Variants in TNR observed in about 807,000 individuals in gnomAD.
TNR encodes the protein tenascin R.
TNR carries 45 observed loss-of-function variants against 150.4 expected under a neutral mutation model. The observed-to-expected ratio is 0.30, with a 90% CI of 0.24 to 0.38. TNR has a LOEUF of 0.38. Among genes scored for constraint, TNR ranks in the 10% least tolerant of loss-of-function variants. TNR has a pLI of 1.00. For missense variants in TNR, 1,544 were observed against 1,759.1 expected (o/e 0.88, Z 2.19); for synonymous variants, 687 against 678.4 (o/e 1.01, Z -0.20).
intron 18 of TNR, among the ~76,000 whole-genome samples, chr1:175,347,856 A>G (rs2101999972): frequency 6.6e-6 from 1 of 152,326 alleles, no homozygotes; most frequent in South Asian, 2.1e-4. Flanking sequence ...ACTAAAGTCA[A>G]TGTACCTAAT....
At chr1:175,734,349 G>T (rs1260153351) in intron 1 of TNR, among the ~76,000 whole-genome samples, 1 of 152,228 alleles carries the variant, frequency 6.6e-6, no homozygotes, top group Non-Finnish European at 1.5e-5. Flanking sequence ...ATTCTGAGAG[G>T]TAGGAGCTAT....
chr1:175,475,932 T>C (rs987946242), intron 2 of TNR, among the ~76,000 whole-genome samples: 2 of 152,162 alleles, frequency 1.3e-5, no homozygotes, highest in African/African-American at 4.8e-5. Flanking sequence ...CGTCCTATAA[T>C]GAAATGATAT....
intron 1 of TNR, among the ~76,000 whole-genome samples, chr1:175,530,855 A>G (rs1340118905): frequency 1.3e-5 from 2 of 152,064 alleles, no homozygotes; most frequent in Admixed American, 6.6e-5. Flanking sequence ...TTAACCACAT[A>G]TATACATATG....
Position 175,599,350 on chromosome 1 carries a change from G to GCA in TNR, c.-164-70983_-164-70982dup, listed in dbSNP as rs138765580. 2.3e-3 allele frequency among the ~76,000 whole-genome samples: 348 copies of GCA among 152,344 alleles called. No homozygotes were observed. The highest frequency in any genetic ancestry group is 8.1e-3 in the African/African-American group (337 of 41,580). ...GCAGACCGCATAGGGGCCCTGAGAG[G>GCA]CACACACGCGCCTTCTGCTCACACC... On this transcript the variant is annotated intron_variant, in intron 1 of 22. Coordinates refer to ENST00000367674, the MANE Select transcript of TNR (RefSeq NM_003285.3). This position sits in a 1 kb window ranked among gnomAD's most constrained non-coding sequence, Gnocchi z 4.7.
intron 9 of TNR, among the ~76,000 whole-genome samples, chr1:175,377,217 A>T (rs943766564): frequency 1.3e-5 from 2 of 152,262 alleles, no homozygotes; most frequent in African/African-American, 4.8e-5. Context: ...AGAAGCTATA[A>T]CTGTATGAGA....
intron 15 of TNR, among the ~76,000 whole-genome samples, chr1:175,357,902 G>A (rs1303822470): frequency 6.6e-6 from 1 of 152,206 alleles, no homozygotes; most frequent in Non-Finnish European, 1.5e-5. Flanking sequence ...GGCATCAAAA[G>A]TATTTGTGGA....
intron 22 of TNR, 80 bp downstream of exon 22, chr1:175,324,276 G>A: frequency 3.5e-6 from 5 of 1,428,200 alleles, no homozygotes; most frequent in Non-Finnish European, 3.8e-6. Flanking sequence ...GGACTCACAT[G>A]TGCTTTTAAA....
At chr1:175,384,254 G>C (rs1291600940) in intron 8 of TNR, among the ~76,000 whole-genome samples, 9 of 152,224 alleles carry the variant, frequency 5.9e-5, no homozygotes, top group Admixed American at 5.9e-4. Context: ...AAGTGGTATT[G>C]TGGGGGTGGG....
chr1:175,354,642 T>A, intron 17 of TNR, 119 bp from the exon 18 acceptor site: 1 of 1,300,680 alleles, frequency 7.7e-7, no homozygotes, highest in South Asian at 1.3e-5. Context: ...ATGGCCATTG[T>A]CATCCTCTCC....
At chr1:175,384,510 C>G (rs908723655) in intron 8 of TNR, among the ~76,000 whole-genome samples, 4 of 152,204 alleles carry the variant, frequency 2.6e-5, no homozygotes, top group African/African-American at 9.6e-5. Context: ...TAAACTTTGC[C>G]TTCTCCATTT....
chr1:175,447,482 C>G (rs1335838579), intron 2 of TNR, among the ~76,000 whole-genome samples: 2 of 152,178 alleles, frequency 1.3e-5, no homozygotes, highest in Non-Finnish European at 2.9e-5. Flanking sequence ...GTTTGGCATT[C>G]AGTTCCTTCT....
chr1:175,352,812 A>AT (rs1651118392), intron 18 of TNR, among the ~76,000 whole-genome samples: 2 of 152,230 alleles, frequency 1.3e-5, no homozygotes, highest in Non-Finnish European at 2.9e-5. Flanking sequence ...GGACTCGTTC[A>AT]CAATCTCCGC....
chr1:175,577,459 C>G (rs1300520720), intron 1 of TNR, among the ~76,000 whole-genome samples: 1 of 152,132 alleles, frequency 6.6e-6, no homozygotes, highest in Non-Finnish European at 1.5e-5. Context: ...AACAGACAAT[C>G]AATTACTCTT....
Position 175,561,207 on chromosome 1 carries a change from C to A in TNR, c.-164-32838G>T, listed in dbSNP as rs1489490943. ...TTGGTTATGTGTTTCTCTTTCCATC[C>A]TTTCTACATAGTATTAATATATTGA... On this transcript the variant is annotated intron_variant, in intron 1 of 22. Coordinates refer to ENST00000367674, the MANE Select transcript of TNR (RefSeq NM_003285.3). Among the ~76,000 whole-genome samples the A allele has an allele frequency of 2.6e-5, 4 of 152,262 alleles. No homozygotes were observed. In the East Asian group the frequency reaches 5.8e-4, roughly 22 times the overall value.
chr1:175,371,999 A>T (rs1053045837), intron 9 of TNR, among the ~76,000 whole-genome samples: 1 of 151,652 alleles, frequency 6.6e-6, no homozygotes, highest in African/African-American at 2.4e-5. Flanking sequence ...TGTTTGGGTC[A>T]TGGGGGTGGA....
At chr1:175,478,152 C>T (rs937062032) in intron 2 of TNR, among the ~76,000 whole-genome samples, 7 of 152,194 alleles carry the variant, frequency 4.6e-5, no homozygotes, top group African/African-American at 1.7e-4. Context: ...TTGGATTTTT[C>T]ACTCCATTGG....
rs1207495052 is a variant in TNR at position 175,323,208 on chromosome 1, T to C, written c.*149A>G. The C allele has an allele frequency of 9.7e-6, 10 of 1,032,454 alleles. No individual in the cohort carries two copies. Among genetic ancestry groups the C allele is most frequent in the Non-Finnish European group, 1.4e-5 (10 of 736,386 alleles). The allele number at this position is 1,032,454 out of a possible 1,614,324, so 64.0% of individuals were successfully genotyped here. On this transcript the variant is annotated 3_prime_UTR_variant, in exon 23 of 23. Transcript: ENST00000367674. ...GGCAGCAGAAACCAAGAGCAGATGT[T>C]AGCCAGCGGATTCCTGCGACATCCC...
Position 175,365,953 on chromosome 1 carries a change from C to T in TNR, c.2239G>A (p.Gly747Arg), listed in dbSNP as rs1313048183. 2 of 1,614,024 alleles carry T rather than the reference C, an allele frequency of 1.2e-6. No homozygotes were observed. The highest frequency in any genetic ancestry group is 1.3e-5 in the African/African-American group (1 of 74,914). Residue 747 changes from glycine to arginine, a missense_variant, in exon 11 of 23, where the codon GGG (glycine) becomes AGG (arginine). Gly to Arg is a moderately radical substitution (Grantham distance 125). This residue lies in a region of TNR where 1,254 missense variants were observed against 1,329.4 expected (regional missense o/e 0.94). Transcript: ENST00000367674. ...GTGACGGAAATGATGTACTCTGCCC[C>T]AGGCTCTAGATCTGTTAGTGTGTAT... ...TSYTLTDLEPGAEYIISVTAE... is the reference protein window; with the variant it reads ...TSYTLTDLEPRAEYIISVTAE...
intron 1 of TNR, among the ~76,000 whole-genome samples, chr1:175,682,378 G>A (rs367592473): frequency 2.0e-5 from 3 of 152,198 alleles, no homozygotes; most frequent in Admixed American, 6.5e-5. Context: ...CAGAGACGCC[G>A]CTCAGAGAGG....
Sources: gnomAD v4.1 joint callset for allele counts (sites outside exome capture counted in the v4.1 genomes callset) on GRCh38, gnomAD v4.1.1 for gene constraint, gnomAD v4.1.1 regional missense constraint, Gnocchi (gnomAD v3.1) non-coding constraint, MANE v1.5 for transcripts, NCBI Gene and HGNC (gene_info 2026-07-23, HGNC 2026-07-21) for gene names.